Variants in SPRYD3 observed in about 807,000 individuals in gnomAD.
SPRYD3 encodes SPRY domain-containing protein 3.
In SPRYD3, 17 loss-of-function variants were observed where a neutral mutation model predicts 50.1. The ratio of observed to expected loss-of-function variants is 0.34; its 90% CI spans 0.23 to 0.51. SPRYD3 has a LOEUF of 0.51. SPRYD3 is among the 20% of genes least tolerant of loss of function. The probability of loss-of-function intolerance (pLI) is 0.97; values close to 1 mark genes in which losing one functional copy is unlikely to be tolerated. For synonymous variants in SPRYD3, 198 were observed against 215.5 expected, an observed-to-expected ratio of 0.92 and a Z score of 0.71; for missense variants, 401 against 591.2, an observed-to-expected ratio of 0.68 and a Z score of 3.34.
At position 53,074,166 on chromosome 12, in the gene SPRYD3, A is replaced by T. The variant is rs1020965215; in HGVS notation, c.507+483T>A. Among the ~76,000 whole-genome samples the T allele has an allele frequency of 5.3e-5, 8 of 152,124 alleles. No homozygotes were observed. Among genetic ancestry groups the T allele is most frequent in the Non-Finnish European group, 1.0e-4 (7 of 68,014 alleles). On this transcript the variant is annotated intron_variant, in intron 5 of 10. Transcript: ENST00000301463. This position sits in a 1 kb window ranked among gnomAD's most constrained non-coding sequence, Gnocchi z 4.6. Reference sequence around the variant, plus strand: ...AGAGAGCTGTGTGTCTCTCTCTACTATTGGCTCCTGTCCCATCTCCTCACC... The same window carrying T: ...AGAGAGCTGTGTGTCTCTCTCTACTTTTGGCTCCTGTCCCATCTCCTCACC...
In SPRYD3 at chr12:53,066,306, G is replaced by A. The variant is rs200740716; in HGVS notation, c.1194+8C>T. 29 of 1,612,474 alleles carry A rather than the reference G, an allele frequency of 1.8e-5. No homozygotes were observed. The highest frequency in any genetic ancestry group is 4.5e-5 in the East Asian group (2 of 44,876). ...ACCCTGGTCCCACCTCAAACTCTCC[G>A]TACTCACCACCACCTTCCTGCCCTC... On this transcript the variant is annotated splice_region_variant and intron_variant, in intron 10 of 10. Transcript: ENST00000301463.
At position 53,074,835 on chromosome 12, in the gene SPRYD3, C is replaced by T. The variant is rs1373061264; in HGVS notation, c.372-51G>A. On this transcript the variant is annotated intron_variant, in intron 4 of 10. Coordinates refer to ENST00000301463, the MANE Select transcript of SPRYD3 (RefSeq NM_032840.3). This position sits in a 1 kb window ranked among gnomAD's most constrained non-coding sequence, Gnocchi z 4.6. ...GGACCCGAGCCTGGCCTCCCAACTT[C>T]TCCCCAGCACTGACAGCAGAGGCCT... The T allele has an allele frequency of 7.5e-6, 12 of 1,603,732 alleles. No individual in the cohort carries two copies. Among genetic ancestry groups the T allele is most frequent in the Non-Finnish European group, 1.0e-5 (12 of 1,172,138 alleles).
At chr12:53,073,055 G>A (rs1472771156) in intron 6 of SPRYD3, 2 of 427,894 alleles carry the variant, frequency 4.7e-6, no homozygotes, top group South Asian at 5.1e-5. Context: ...GTCAAACTGC[G>A]AACCTGAGTT....
At chr12:53,073,260 C>CCGGGGGGGGGGGGGGGGGGGGGGG in intron 6 of SPRYD3, 26 bp downstream of exon 6, 7 of 416,302 alleles carry the variant, frequency 1.7e-5, no homozygotes, top group East Asian at 7.6e-5. Context: ...GACCCAGCCC[C>CCGGGGGGGGGGGGGGGGGGGGGGG]TCCCACCCTC....
In SPRYD3 at chr12:53,068,026, A is replaced by G. The variant is rs1223138703; in HGVS notation, c.843+129T>C. On this transcript the variant is annotated intron_variant, in intron 7 of 10. Coordinates refer to ENST00000301463, the MANE Select transcript of SPRYD3 (RefSeq NM_032840.3). Reference sequence around the variant, plus strand: ...CAGCAGACACATACAACTGTGTTCCATCTCAGCTTAGCACCCTCCCTCCAA... The same window carrying G: ...CAGCAGACACATACAACTGTGTTCCGTCTCAGCTTAGCACCCTCCCTCCAA... The G allele has an allele frequency of 4.8e-6, 5 of 1,051,214 alleles. No homozygotes were observed. In the African/African-American group the frequency reaches 6.4e-5, roughly 13 times the overall value. The allele number at this position is 1,051,214 out of a possible 1,614,324, so 65.1% of individuals were successfully genotyped here. A position where few individuals can be genotyped will look rare whatever the true frequency, so the allele number is the denominator to read the frequency against.
chr12:53,073,478 TG>T lies in SPRYD3; in HGVS notation c.508-8del, dbSNP rs1490023758. 2.6e-6 allele frequency: 4 copies of T among 1,523,370 alleles called. No homozygotes were observed. Among genetic ancestry groups the T allele is most frequent in the Non-Finnish European group, 2.7e-6 (3 of 1,124,618 alleles). 94.4% of individuals were successfully genotyped at this position (1,523,370 alleles called of 1,614,324 possible). ...GCATGATGGTAGAGCCCACCTGCAGTGGGGGGAAAGACGGAGCTGCCACCCG... is the reference window on the plus strand; with the variant it reads ...GCATGATGGTAGAGCCCACCTGCAGTGGGGGAAAGACGGAGCTGCCACCCG... On this transcript the variant is annotated splice_polypyrimidine_tract_variant and splice_region_variant and intron_variant, in intron 5 of 10. Coordinates refer to ENST00000301463, the MANE Select transcript of SPRYD3 (RefSeq NM_032840.3).
intron 1 of SPRYD3, 55 bp downstream of exon 1, chr12:53,079,256 T>C: frequency 6.4e-7 from 1 of 1,564,518 alleles, no homozygotes; most frequent in Non-Finnish European, 8.7e-7. Context: ...GCCTTCCGCT[T>C]CAGGCTCCGG....
At chr12:53,076,976 C>G in intron 2 of SPRYD3, 139 bp downstream of exon 2, 1 of 754,814 alleles carries the variant, frequency 1.3e-6, no homozygotes, top group South Asian at 1.9e-5. Flanking sequence ...AGAAAGGCCT[C>G]TGGAGTCAAG....
At chr12:53,073,804 A>G (rs1286307810) in intron 5 of SPRYD3, among the ~76,000 whole-genome samples, 2 of 150,712 alleles carry the variant, frequency 1.3e-5, no homozygotes, top group South Asian at 2.1e-4. Flanking sequence ...AGATGGTGCC[A>G]CTGCACTCCA....
At chr12:53,078,807 C>T (rs1475797657) in intron 1 of SPRYD3, among the ~76,000 whole-genome samples, 2 of 152,196 alleles carry the variant, frequency 1.3e-5, no homozygotes, top group African/African-American at 2.4e-5. Flanking sequence ...TTTCTTGAGG[C>T]CTGACATTGC....
intron 6 of SPRYD3, among the ~76,000 whole-genome samples, chr12:53,070,208 C>T (rs570841764): frequency 1.1e-3 from 160 of 152,264 alleles, no homozygotes; most frequent in African/African-American, 3.5e-3. Context: ...GCTTGTACAG[C>T]GTGCCCTCTT....
intron 7 of SPRYD3, 52 bp from the exon 8 acceptor site, chr12:53,067,757 GGA>G: frequency 6.5e-7 from 1 of 1,538,246 alleles, no homozygotes; most frequent in Non-Finnish European, 9.0e-7. Flanking sequence ...AAACAAGACA[GGA>G]GAGAGTGGCG....
At position 53,074,997 on chromosome 12, in the gene SPRYD3, G is replaced by T; in HGVS notation, c.371+98C>A. On this transcript the variant is annotated intron_variant, in intron 4 of 10. Coordinates refer to ENST00000301463, the MANE Select transcript of SPRYD3 (RefSeq NM_032840.3). This position sits in a 1 kb window ranked among gnomAD's most constrained non-coding sequence, Gnocchi z 4.6. The stretch of plus-strand genomic sequence containing the variant: ...CCCTGTCCTGACCAGAAAAGTCTAT[G>T]AAACACCCAATGGGAAAAGCCAGCC... 1 of 1,529,140 alleles carries T rather than the reference G, an allele frequency of 6.5e-7. No homozygotes were observed. The allele number at this position is 1,529,140 out of a possible 1,614,324, so 94.7% of individuals were successfully genotyped here.
intron 10 of SPRYD3, 105 bp downstream of exon 10, chr12:53,066,209 G>T: frequency 6.5e-7 from 1 of 1,539,034 alleles, no homozygotes; most frequent in Non-Finnish European, 8.8e-7. Flanking sequence ...CAACGCCAGA[G>T]CTTCCCGTCT....
Position 53,074,994 on chromosome 12 carries a change from T to C in SPRYD3, c.371+101A>G. 6.6e-7 allele frequency: 1 copy of C among 1,521,060 alleles called. No homozygotes were observed. Among genetic ancestry groups the C allele is most frequent in the South Asian group, 1.2e-5 (1 of 85,084 alleles). 94.2% of individuals were successfully genotyped at this position (1,521,060 alleles called of 1,614,324 possible). On this transcript the variant is annotated intron_variant, in intron 4 of 10. Transcript: ENST00000301463. The surrounding 1 kb of genome is among the most constrained non-coding windows in gnomAD (Gnocchi z 4.6). ...CTTCCCTGTCCTGACCAGAAAAGTC[T>C]ATGAAACACCCAATGGGAAAAGCCA...
intron 8 of SPRYD3, 29 bp from the exon 9 acceptor site, chr12:53,066,721 C>T: frequency 6.3e-7 from 1 of 1,580,582 alleles, no homozygotes; most frequent in Non-Finnish European, 8.6e-7. Context: ...AGGACAAACA[C>T]TTGAGGAAGG....
In SPRYD3 at chr12:53,075,720, C is replaced by T. The variant is rs190688111; in HGVS notation, c.246+16G>A. The T allele has an allele frequency of 1.2e-6, 2 of 1,610,126 alleles. No homozygotes were observed. The highest frequency in any genetic ancestry group is 3.3e-5 in the Admixed American group (2 of 60,010). On this transcript the variant is annotated intron_variant, in intron 3 of 10. Transcript: ENST00000301463. ...CAAGCTCACCCCCTGCTCTGCCCAC[C>T]CACTGCCTTGATCACCTCAAAATAA...
rs147144962 is a variant in SPRYD3, at chr12:53,078,245, T to C, written c.24-984A>G. 24 of 321,238 alleles carry C rather than the reference T, an allele frequency of 7.5e-5. 1 individual carries two copies. The highest frequency in any genetic ancestry group is 4.9e-4 in the African/African-American group (22 of 45,348). 19.9% of individuals were successfully genotyped at this position (321,238 alleles called of 1,614,324 possible). ...GGCTCACGTCTGTGATCCCAGCACT[T>C]TGGGAGGCCGAAGTGGGAGGATCAC... is the stretch of plus-strand genomic sequence containing the variant. On this transcript the variant is annotated intron_variant, in intron 1 of 10. Transcript: ENST00000301463.
At chr12:53,068,417 T>C (rs1251771664) in intron 6 of SPRYD3, 113 bp from the exon 7 acceptor site, 10 of 1,271,860 alleles carry the variant, frequency 7.9e-6, no homozygotes, top group Non-Finnish European at 9.9e-6. Flanking sequence ...AACTCCTGGC[T>C]GAAAGGGAAA....
Sources: gnomAD v4.1 joint callset for allele counts (sites outside exome capture counted in the v4.1 genomes callset) on GRCh38, gnomAD v4.1.1 for gene constraint, Gnocchi (gnomAD v3.1) non-coding constraint, MANE v1.5 for transcripts, NCBI Gene and HGNC (gene_info 2026-07-23, HGNC 2026-07-21) for gene names.